ADCY7: variants seen among roughly 807,000 people sequenced by gnomAD.
ADCY7 encodes adenylate cyclase type 7.
Under a neutral mutation model 120.6 loss-of-function variants are expected in ADCY7, and 72 were observed. The ratio of observed to expected loss-of-function variants is 0.60; its 90% CI spans 0.49 to 0.73. The LOEUF (loss-of-function observed/expected upper bound fraction) is 0.73. Among genes scored for constraint, ADCY7 ranks in the 30% least tolerant of loss-of-function variants. ADCY7 has a pLI of 0.00. For synonymous variants in ADCY7, 661 were observed against 628.0 expected, an observed-to-expected ratio of 1.05 and a Z score of -0.78; for missense variants, 1,227 against 1,486.0, an observed-to-expected ratio of 0.83 and a Z score of 2.87.
chr16:50,288,060 G>A lies in ADCY7; in HGVS notation c.-120G>A. On this transcript the variant is annotated 5_prime_UTR_variant, in exon 2 of 26. Coordinates refer to ENST00000673801, the MANE Select transcript of ADCY7 (RefSeq NM_001114.5). ...AGAGGCCCTCTCCCCAGCCCTGCTT[G>A]CCTGCCTCGGAGAGGACAGAGGCCT... 8.1e-7 allele frequency: 1 copy of A among 1,231,458 alleles called. No individual in the cohort carries two copies. The highest frequency in any genetic ancestry group is 2.7e-5 in the East Asian group (1 of 37,290). 76.3% of individuals were successfully genotyped at this position (1,231,458 alleles called of 1,614,324 possible). A position where few individuals can be genotyped will look rare whatever the true frequency, so the allele number is the denominator to read the frequency against.
In ADCY7 at chr16:50,315,770, T is replaced by G. The variant is rs921690308; in HGVS notation, c.*265T>G. ...TCCAGGCCAGCTGGAGAATGTTCACTGGTTCGGGGCTGACTTTGAGATCTT... is the reference window on the plus strand; with the variant it reads ...TCCAGGCCAGCTGGAGAATGTTCACGGGTTCGGGGCTGACTTTGAGATCTT... On this transcript the variant is annotated 3_prime_UTR_variant, in exon 26 of 26. Transcript: ENST00000673801. 7 of 392,354 alleles carry G rather than the reference T, an allele frequency of 1.8e-5. No homozygotes were observed. Among genetic ancestry groups the G allele is most frequent in the African/African-American group, 1.2e-4 (6 of 49,784 alleles). The allele number at this position is 392,354 out of a possible 1,614,324, so 24.3% of individuals were successfully genotyped here.
rs1259108164 is a variant in ADCY7 at position 50,292,660 on chromosome 16, C to T, written c.538-16C>T. The T allele has an allele frequency of 6.2e-7, 1 of 1,612,684 alleles. No homozygotes were observed. The highest frequency in any genetic ancestry group is 8.5e-7 in the Non-Finnish European group (1 of 1,179,268). On this transcript the variant is annotated splice_polypyrimidine_tract_variant and intron_variant, in intron 4 of 25. Coordinates refer to ENST00000673801, the MANE Select transcript of ADCY7 (RefSeq NM_001114.5). ...GGCCAGGCCACATAATGAGCCAAACCCCTGTCTACCCGCAGCTGCTGGCCA... is the reference window on the plus strand; with the variant it reads ...GGCCAGGCCACATAATGAGCCAAACTCCTGTCTACCCGCAGCTGCTGGCCA...
At chr16:50,287,466 T>C (rs964757866) in intron 1 of ADCY7, among the ~76,000 whole-genome samples, 1 of 151,650 alleles carries the variant, frequency 6.6e-6, no homozygotes, top group Non-Finnish European at 1.5e-5. Context: ...GGCAGGAGGA[T>C]TGCTTGAGCC....
intron 10 of ADCY7, among the ~76,000 whole-genome samples, chr16:50,303,280 C>T (rs945108978): frequency 1.3e-5 from 2 of 152,160 alleles, no homozygotes; most frequent in Admixed American, 1.3e-4. Flanking sequence ...TTCCACGTGG[C>T]TCCCGTGGCT....
chr16:50,249,445 A>AAACAACAACAACAAC (rs57815436), intron 1 of ADCY7, among the ~76,000 whole-genome samples: 1 of 150,056 alleles, frequency 6.7e-6, no homozygotes, highest in Non-Finnish European at 1.5e-5. Flanking sequence ...ACTCCGTCTA[A>AAACAACAACAACAAC]AACAACAACA....
At chr16:50,308,505 C>A in intron 16 of ADCY7, 94 bp downstream of exon 16, 2 of 1,584,296 alleles carry the variant, frequency 1.3e-6, no homozygotes, top group Non-Finnish European at 1.7e-6. Context: ...GGGCTGAGCC[C>A]CTGCTCTGGT....
intron 18 of ADCY7, 184 bp from the exon 19 acceptor site, chr16:50,310,503 T>A: frequency 5.9e-6 from 9 of 1,537,764 alleles, no homozygotes; most frequent in Non-Finnish European, 7.8e-6. Context: ...TCATAAGAAA[T>A]AAAACTACAG....
chr16:50,293,319 C>T lies in ADCY7; in HGVS notation c.688-35C>T, dbSNP rs778301435. 3.1e-6 allele frequency: 5 copies of T among 1,601,290 alleles called. No homozygotes were observed. In the East Asian group the frequency reaches 1.1e-4, roughly 36 times the overall value. On this transcript the variant is annotated intron_variant, in intron 5 of 25. Transcript: ENST00000673801. Reference sequence around the variant, plus strand: ...GCTGGTCCCTCCGCCGGTCGCTTTGCTGGTCCCTCTGCTGGTCTGCCCACC... The same window carrying T: ...GCTGGTCCCTCCGCCGGTCGCTTTGTTGGTCCCTCTGCTGGTCTGCCCACC...
intron 1 of ADCY7, among the ~76,000 whole-genome samples, chr16:50,260,911 C>T (rs182320890): frequency 2.6e-5 from 4 of 152,234 alleles, no homozygotes; most frequent in East Asian, 1.9e-4. Context: ...GTGGTTTCCA[C>T]GATATTTTAT....
intron 6 of ADCY7, among the ~76,000 whole-genome samples, 181 bp downstream of exon 6, chr16:50,293,683 T>C (rs2302715): frequency 0.48 from 72,618 of 152,100 alleles, 17,806 homozygotes; most frequent in Middle Eastern, 0.61. Flanking sequence ...CCCCCACTTG[T>C]GGGCAGGATC....
At chr16:50,252,440 T>TTGTTTATGTGCCTGGGC (rs1191982393) in intron 1 of ADCY7, among the ~76,000 whole-genome samples, 3 of 150,906 alleles carry the variant, frequency 2.0e-5, no homozygotes, top group African/African-American at 5.0e-5. Flanking sequence ...AGCCACTGGG[T>TTGTTTATGTGCCTGGGC]AGGCATTGTT....
intron 1 of ADCY7, among the ~76,000 whole-genome samples, chr16:50,282,293 C>G (rs963634564): frequency 1.2e-4 from 18 of 152,232 alleles, no homozygotes; most frequent in African/African-American, 4.3e-4. Flanking sequence ...ATCAGCTGGA[C>G]TGGGGAAGGA....
chr16:50,286,547 C>A (rs939604650), intron 1 of ADCY7, among the ~76,000 whole-genome samples: 3 of 152,146 alleles, frequency 2.0e-5, no homozygotes, highest in Admixed American at 6.5e-5. Flanking sequence ...TATGCCCCCC[C>A]ACCTTCCCTT....
intron 7 of ADCY7, among the ~76,000 whole-genome samples, chr16:50,298,352 T>C (rs535495187): frequency 6.6e-6 from 1 of 152,248 alleles, no homozygotes; most frequent in East Asian, 1.9e-4. Flanking sequence ...GCCGGCTCTC[T>C]CGGTTCCTCG....
intron 18 of ADCY7, 111 bp from the exon 19 acceptor site, chr16:50,310,576 C>G: frequency 1.9e-6 from 3 of 1,574,568 alleles, no homozygotes; most frequent in Non-Finnish European, 2.6e-6. Context: ...GGTGGTAAGG[C>G]AAGAGCGTGA....
Position 50,304,388 on chromosome 16 carries a change from AC to A in ADCY7, c.1399del (p.Leu467SerfsTer10). ...CAGCAGCCACCCCCGCCCAGCCAACACCTCCCCAGGCCCAAGGGGGACGCGG... is the reference window on the plus strand; with the variant it reads ...CAGCAGCCACCCCCGCCCAGCCAACACTCCCCAGGCCCAAGGGGGACGCGG... ...RSQQPPPPSQ[H>X]LPRPKGDAAL... On this transcript the variant is annotated frameshift_variant, in exon 11 of 26. Transcript: ENST00000673801. LOFTEE classifies it high-confidence loss of function. 6.4e-7 allele frequency: 1 copy of A among 1,551,910 alleles called. No homozygotes were observed. The highest frequency in any genetic ancestry group is 1.2e-5 in the South Asian group (1 of 83,370).
At chr16:50,307,741 T>C (rs934069163) in intron 15 of ADCY7, among the ~76,000 whole-genome samples, 1 of 152,174 alleles carries the variant, frequency 6.6e-6, no homozygotes, top group African/African-American at 2.4e-5. Context: ...CTCACGCCTG[T>C]AATCCCAGCA....
rs1330857232 is a variant in ADCY7, at chr16:50,316,746, G to C, written c.*1241G>C. 2.6e-5 allele frequency: 4 copies of C among 152,344 alleles called. No homozygotes were observed. The highest frequency in any genetic ancestry group is 6.5e-5 in the Admixed American group (1 of 15,284). 9.4% of individuals were successfully genotyped at this position (152,344 alleles called of 1,614,324 possible). A position where few individuals can be genotyped will look rare whatever the true frequency, so the allele number is the denominator to read the frequency against. ...CAAGGAATTGAAAGTCAACCTAACTGTAACAACAGGGTGAGAAATGACCAA... is the reference window on the plus strand; with the variant it reads ...CAAGGAATTGAAAGTCAACCTAACTCTAACAACAGGGTGAGAAATGACCAA... On this transcript the variant is annotated 3_prime_UTR_variant, in exon 26 of 26. Coordinates refer to ENST00000673801, the MANE Select transcript of ADCY7 (RefSeq NM_001114.5).
chr16:50,312,229 G>A lies in ADCY7; in HGVS notation c.2604+38G>A, dbSNP rs367572238. 2.1e-5 allele frequency: 34 copies of A among 1,609,688 alleles called. No homozygotes were observed. In the South Asian group the frequency reaches 2.2e-4, roughly 10 times the overall value. ...GGGGCTGGGGCGGGGGCAGGGAGGC[G>A]GACGGTCCAGGCGCAGTCCGTAGGG... is the stretch of plus-strand genomic sequence containing the variant. On this transcript the variant is annotated intron_variant, in intron 21 of 25. Transcript: ENST00000673801.
Sources: allele counts gnomAD v4.1 joint callset (sites outside exome capture counted in the v4.1 genomes callset), GRCh38; gene constraint gnomAD v4.1.1; transcripts MANE v1.5; gene names NCBI Gene and HGNC (gene_info 2026-07-23, HGNC 2026-07-21).